The following ZNRF2 variants were observed in gnomAD, a reference collection of about 807,000 sequenced individuals.
ZNRF2 encodes the protein zinc and ring finger 2.
ZNRF2 carries 16 observed loss-of-function variants against 20.4 expected under a neutral mutation model. The observed-to-expected ratio is 0.79, with a 90% CI of 0.53 to 1.19. ZNRF2 has a LOEUF of 1.19. Ranked by LOEUF, ZNRF2 falls within the 50% of genes most tolerant of loss-of-function variation. ZNRF2 has a pLI of 0.00. For synonymous variants in ZNRF2, 178 were observed against 144.9 expected, an observed-to-expected ratio of 1.23 and a Z score of -1.64; for missense variants, 363 against 332.4, an observed-to-expected ratio of 1.09 and a Z score of -0.72.
At chr7:30,332,070 A>G (rs1799643268) in intron 2 of ZNRF2, among the ~76,000 whole-genome samples, 1 of 152,188 alleles carries the variant, frequency 6.6e-6, no homozygotes, top group African/African-American at 2.4e-5. Context: ...AAATTGTTAC[A>G]AAGTATAGCA....
chr7:30,303,402 T>C (rs1799150826), intron 1 of ZNRF2, among the ~76,000 whole-genome samples: 1 of 152,226 alleles, frequency 6.6e-6, no homozygotes, highest in South Asian at 2.1e-4. Context: ...AACAAACTTT[T>C]GGTGGGCCTG....
chr7:30,304,672 T>C (rs1583571881), intron 1 of ZNRF2, among the ~76,000 whole-genome samples: 1 of 152,108 alleles, frequency 6.6e-6, no homozygotes, highest in East Asian at 1.9e-4. Flanking sequence ...GGGCCATGGG[T>C]TGGGTCTTGT....
In ZNRF2 at chr7:30,285,247, C is replaced by G. The variant is rs375510301; in HGVS notation, c.-111C>G. 7.5e-6 allele frequency: 6 copies of G among 798,410 alleles called. No homozygotes were observed. In the African/African-American group the frequency reaches 1.1e-4, roughly 15 times the overall value. The allele number at this position is 798,410 out of a possible 1,614,324, so 49.5% of individuals were successfully genotyped here. A position where few individuals can be genotyped will look rare whatever the true frequency, so the allele number is the denominator to read the frequency against. On this transcript the variant is annotated 5_prime_UTR_variant, in exon 1 of 5. Coordinates refer to ENST00000323037, the MANE Select transcript of ZNRF2 (RefSeq NM_147128.4). Reference sequence around the variant, plus strand: ...GCGGCGGCCCTGGACGTGCGGGGGCCTCTCTGGGCCGGCCGCGGCGCCTGG... The same window carrying G: ...GCGGCGGCCCTGGACGTGCGGGGGCGTCTCTGGGCCGGCCGCGGCGCCTGG...
chr7:30,308,737 A>G (rs1799246710), intron 1 of ZNRF2, among the ~76,000 whole-genome samples: 1 of 152,202 alleles, frequency 6.6e-6, no homozygotes, highest in African/African-American at 2.4e-5. Flanking sequence ...CATCCTCTGT[A>G]ACAATTAGTA....
intron 2 of ZNRF2, among the ~76,000 whole-genome samples, chr7:30,337,923 T>G (rs1189520582): frequency 3.3e-5 from 5 of 152,256 alleles, no homozygotes; most frequent in African/African-American, 1.2e-4. Flanking sequence ...CTTGTGATCT[T>G]CCAGAGATAT....
chr7:30,318,803 T>A (rs1054180973), intron 1 of ZNRF2, among the ~76,000 whole-genome samples: 1 of 152,172 alleles, frequency 6.6e-6, no homozygotes, highest in Non-Finnish European at 1.5e-5. Context: ...GAATCTGGAT[T>A]TTATTATTAA....
intron 1 of ZNRF2, among the ~76,000 whole-genome samples, chr7:30,287,821 C>A (rs531601992): frequency 6.6e-6 from 1 of 151,898 alleles, no homozygotes; most frequent in South Asian, 2.1e-4. Context: ...GCATTTAGAA[C>A]GGTTTTAGTT....
intron 2 of ZNRF2, among the ~76,000 whole-genome samples, chr7:30,329,576 G>A (rs1799605494): frequency 6.6e-6 from 1 of 151,928 alleles, no homozygotes; most frequent in Non-Finnish European, 1.5e-5. Flanking sequence ...TCTGTGCCTG[G>A]CTTATTTCAC....
At chr7:30,320,403 T>C (rs1275474039) in intron 1 of ZNRF2, among the ~76,000 whole-genome samples, 1 of 152,138 alleles carries the variant, frequency 6.6e-6, no homozygotes, top group Non-Finnish European at 1.5e-5. Context: ...AATATGTAAA[T>C]ACATACTAGT....
intron 1 of ZNRF2, among the ~76,000 whole-genome samples, chr7:30,301,699 T>TAAA (rs769025634): frequency 4.0e-5 from 5 of 126,362 alleles, no homozygotes; most frequent in Non-Finnish European, 6.5e-5. Flanking sequence ...GAGGCTTTTT[T>TAAA]TAAAAAAAAA....
chr7:30,291,594 A>T (rs970957515), intron 1 of ZNRF2, among the ~76,000 whole-genome samples: 1 of 152,236 alleles, frequency 6.6e-6, no homozygotes, highest in Non-Finnish European at 1.5e-5. Flanking sequence ...GTACATAGTG[A>T]TGTCTTTAAC....
intron 1 of ZNRF2, among the ~76,000 whole-genome samples, chr7:30,298,760 A>G (rs1400761936): frequency 2.0e-5 from 3 of 152,140 alleles, no homozygotes; most frequent in Non-Finnish European, 4.4e-5. Flanking sequence ...GTCAGGGAGG[A>G]CAACTAGGAG....
chr7:30,339,595 A>G (rs1799764967), intron 2 of ZNRF2, among the ~76,000 whole-genome samples: 1 of 152,018 alleles, frequency 6.6e-6, no homozygotes, highest in South Asian at 2.1e-4. Flanking sequence ...GTTATTTCTG[A>G]GGCCTTTGTT....
intron 2 of ZNRF2, among the ~76,000 whole-genome samples, chr7:30,328,407 G>C (rs1305341575): frequency 6.6e-6 from 1 of 152,096 alleles, no homozygotes. Flanking sequence ...TCAGCATACT[G>C]TTCATTTAAC....
At chr7:30,332,583 A>G (rs914038735) in intron 2 of ZNRF2, among the ~76,000 whole-genome samples, 3 of 152,030 alleles carry the variant, frequency 2.0e-5, no homozygotes, top group African/African-American at 7.2e-5. Flanking sequence ...GTCTGTGTGT[A>G]CCCATTGTTT....
chr7:30,360,833 G>C (rs895078927), intron 3 of ZNRF2, among the ~76,000 whole-genome samples: 1 of 152,162 alleles, frequency 6.6e-6, no homozygotes, highest in African/African-American at 2.4e-5. Context: ...CATGGAAGCA[G>C]TACTATATGT....
intron 3 of ZNRF2, among the ~76,000 whole-genome samples, chr7:30,357,284 A>G (rs1800055932): frequency 6.6e-6 from 1 of 152,242 alleles, no homozygotes; most frequent in Non-Finnish European, 1.5e-5. Flanking sequence ...GCAGCAAAGT[A>G]CAAAGAATTG....
At chr7:30,309,800 T>C (rs899192430) in intron 1 of ZNRF2, among the ~76,000 whole-genome samples, 3 of 152,210 alleles carry the variant, frequency 2.0e-5, no homozygotes, top group African/African-American at 7.2e-5. Flanking sequence ...AGTATAGATA[T>C]GTAGCATGTA....
At chr7:30,289,895 C>G (rs762398251) in intron 1 of ZNRF2, 18 of 534,372 alleles carry the variant, frequency 3.4e-5, no homozygotes, top group Non-Finnish European at 5.8e-5. Flanking sequence ...GTCTCTTGCT[C>G]TCCTCCAATT....
Sources: gnomAD v4.1 joint callset for allele counts (sites outside exome capture counted in the v4.1 genomes callset) on GRCh38, gnomAD v4.1.1 for gene constraint, MANE v1.5 for transcripts, NCBI Gene and HGNC (gene_info 2026-07-23, HGNC 2026-07-21) for gene names.